The following THSD4 variants were observed in gnomAD, a reference collection of about 807,000 sequenced individuals.
THSD4 encodes thrombospondin type 1 domain containing 4.
THSD4 carries 69 observed loss-of-function variants against 119.0 expected under a neutral mutation model. That is an observed-to-expected ratio of 0.58 (90% confidence interval 0.48 to 0.71). The LOEUF is 0.71. THSD4 is among the 30% of genes least tolerant of loss of function. The pLI is 0.00. For synonymous variants in THSD4, 524 were observed against 540.4 expected (o/e 0.97, Z 0.42); for missense variants, 1,393 against 1,391.1 (o/e 1.00, Z -0.02).
chr15:71,628,352 C>T (rs1178211056), intron 7 of THSD4, among the ~76,000 whole-genome samples: 1 of 152,164 alleles, frequency 6.6e-6, no homozygotes, highest in Non-Finnish European at 1.5e-5. Flanking sequence ...GTTCACACTT[C>T]CTCATGTTTC....
intron 7 of THSD4, among the ~76,000 whole-genome samples, chr15:71,627,250 A>AGGGAACC (rs35055693): frequency 1.3e-5 from 2 of 152,212 alleles, no homozygotes; most frequent in African/African-American, 4.8e-5. Flanking sequence ...CATCCTAAGG[A>AGGGAACC]GGGAACCTCA....
intron 7 of THSD4, among the ~76,000 whole-genome samples, chr15:71,447,741 A>C (rs1343272000): frequency 6.6e-6 from 1 of 152,234 alleles, no homozygotes; most frequent in East Asian, 1.9e-4. Context: ...TTTAACCAAA[A>C]GAGATACTGT....
chr15:71,146,669 G>C (rs186382125), intron 2 of THSD4, among the ~76,000 whole-genome samples: 10 of 152,294 alleles, frequency 6.6e-5, no homozygotes, highest in African/African-American at 2.2e-4. Flanking sequence ...CATCTGGGGG[G>C]TGCAGAAGTG....
At chr15:71,724,284 TATA>T (rs772991833) in intron 8 of THSD4, among the ~76,000 whole-genome samples, 11,176 of 36,978 alleles carry the variant, frequency 0.3, 1,348 homozygotes, top group African/African-American at 0.4. Flanking sequence ...TATATATATA[TATA>T]TTTTTTTTTT....
At chr15:71,234,202 T>A (rs1596282600) in intron 4 of THSD4, among the ~76,000 whole-genome samples, 1 of 152,220 alleles carries the variant, frequency 6.6e-6, no homozygotes, top group Non-Finnish European at 1.5e-5. Flanking sequence ...CCATAAAGCG[T>A]GCAAGTCCCT....
At chr15:71,363,828 T>C (rs1303439942) in intron 6 of THSD4, among the ~76,000 whole-genome samples, 1 of 152,210 alleles carries the variant, frequency 6.6e-6, no homozygotes, top group Non-Finnish European at 1.5e-5. Context: ...TTCTACAGTT[T>C]ATAGAGTTGT....
At chr15:71,467,993 C>T (rs977672245) in intron 7 of THSD4, among the ~76,000 whole-genome samples, 9 of 152,028 alleles carry the variant, frequency 5.9e-5, no homozygotes, top group African/African-American at 1.2e-4. Flanking sequence ...GGATTACAGG[C>T]GCCTGTCACC....
At chr15:71,341,765 CT>C (rs1193126008) in intron 6 of THSD4, 19 of 813,274 alleles carry the variant, frequency 2.3e-5, no homozygotes, top group Non-Finnish European at 3.8e-5. Context: ...CCTTTTCTTC[CT>C]TTTTTCTCCT....
At chr15:71,411,357 T>C (rs1409259284) in intron 6 of THSD4, among the ~76,000 whole-genome samples, 1 of 152,190 alleles carries the variant, frequency 6.6e-6, no homozygotes, top group Non-Finnish European at 1.5e-5. Context: ...ATGAAATGTC[T>C]AGAATAGGCA....
intron 6 of THSD4, among the ~76,000 whole-genome samples, chr15:71,270,259 A>G (rs2044513195): frequency 6.6e-6 from 1 of 152,220 alleles, no homozygotes; most frequent in Non-Finnish European, 1.5e-5. Flanking sequence ...TGATATGTAA[A>G]TGAATGGAAC....
intron 7 of THSD4, among the ~76,000 whole-genome samples, chr15:71,427,247 G>GGCAAGGCACTGGGCAAGGCACTGA (rs1555412646): frequency 4.6e-5 from 7 of 150,754 alleles, no homozygotes; most frequent in Admixed American, 3.3e-4. Context: ...CCATACACTG[G>GGCAAGGCACTGGGCAAGGCACTGA]GCAAGGCACT....
At chr15:71,446,808 G>A (rs138059033) in intron 7 of THSD4, among the ~76,000 whole-genome samples, 5 of 152,102 alleles carry the variant, frequency 3.3e-5, no homozygotes, top group African/African-American at 4.8e-5. Context: ...TGAGCATCTC[G>A]GGAAGACATG....
chr15:71,186,970 T>C (rs1283746755), intron 3 of THSD4: 1 of 152,242 alleles, frequency 6.6e-6, no homozygotes. Flanking sequence ...CATGCAATTT[T>C]AGTTTGCAGT....
chr15:71,416,060 G>C (rs544123662), intron 7 of THSD4, among the ~76,000 whole-genome samples: 1 of 152,204 alleles, frequency 6.6e-6, no homozygotes, highest in Non-Finnish European at 1.5e-5. Context: ...GCCTCCCAAA[G>C]TGCTGGGATT....
upstream of THSD4, chr15:71,111,033 T>TCGGATC (rs2040300316): frequency 1.7e-6 from 2 of 1,203,520 alleles, no homozygotes; most frequent in Non-Finnish European, 2.3e-6. Context: ...AGAAGCAGCC[T>TCGGATC]CGGATCCGGG....
At chr15:71,505,186 C>T (rs2048169133) in intron 7 of THSD4, among the ~76,000 whole-genome samples, 1 of 148,506 alleles carries the variant, frequency 6.7e-6, no homozygotes, top group Non-Finnish European at 1.5e-5. Context: ...TCCTTATGCT[C>T]ACCTCCCCAT....
At chr15:71,201,802 T>C (rs556368802) in intron 3 of THSD4, among the ~76,000 whole-genome samples, 2 of 152,322 alleles carry the variant, frequency 1.3e-5, no homozygotes, top group South Asian at 2.1e-4. Context: ...GGAGGGCTGC[T>C]GAGAGAGGCT....
At chr15:71,201,467 A>C (rs1329820462) in intron 3 of THSD4, among the ~76,000 whole-genome samples, 1 of 152,214 alleles carries the variant, frequency 6.6e-6, no homozygotes, top group Non-Finnish European at 1.5e-5. Context: ...CCATCTCTCC[A>C]AACTGGTACT....
chr15:71,512,477 A>G (rs1034471323), intron 7 of THSD4, among the ~76,000 whole-genome samples: 7 of 152,210 alleles, frequency 4.6e-5, no homozygotes, highest in Non-Finnish European at 1.0e-4. Flanking sequence ...ACATGGTTCA[A>G]ATATTTCCCA....
Sources: allele counts gnomAD v4.1 joint callset (sites outside exome capture counted in the v4.1 genomes callset), GRCh38; gene constraint gnomAD v4.1.1; transcripts MANE v1.5; gene names NCBI Gene and HGNC (gene_info 2026-07-23, HGNC 2026-07-21).